ADNP: variants seen among roughly 807,000 people sequenced by gnomAD.
ADNP encodes the protein activity-dependent neuroprotector homeobox protein.
In ADNP, 4 loss-of-function variants were observed where a neutral mutation model predicts 84.9. The ratio of observed to expected loss-of-function variants is 0.05; its 90% confidence interval spans 0.02 to 0.11. The LOEUF (loss-of-function observed/expected upper bound fraction) is 0.11. ADNP is among the 10% of genes least tolerant of loss of function. ADNP has a pLI of 1.00. For missense variants in ADNP, 1,132 were observed against 1,326.0 expected, an observed-to-expected ratio of 0.85 and a Z score of 2.27; for synonymous variants, 554 against 468.1, an observed-to-expected ratio of 1.18 and a Z score of -2.37.
intron 4 of ADNP, 131 bp downstream of exon 4, chr20:50,903,758 T>C (rs1346234261): frequency 1.5e-5 from 10 of 673,182 alleles, no homozygotes; most frequent in Non-Finnish European, 2.5e-5. Flanking sequence ...CTATTGAGAA[T>C]GTTTTCGTGA....
Position 50,892,802 on chromosome 20 carries a change from C to T in ADNP, c.1912G>A (p.Ala638Thr). 6.2e-7 allele frequency: 1 copy of T among 1,614,220 alleles called. No homozygotes were observed. The highest frequency in any genetic ancestry group is 8.5e-7 in the Non-Finnish European group (1 of 1,180,042). Residue 638 changes from alanine (A) to threonine (T), a missense_variant, in exon 6 of 6, where the codon GCA (alanine) becomes ACA (threonine). Around this residue, in one of 10 missense-constraint regions of ADNP, gnomAD observed 39 missense variants for 96.2 expected, o/e 0.41. Coordinates refer to ENST00000621696, the MANE Select transcript of ADNP (RefSeq NM_001282531.3). ...CTCTCTCGTAAGTGATGTGCAAGTG[C>T]ATCAGATATGGGTCCTTTTAGGATT... ...FSILKGPISD[A>T]LAHHLRERHQ...
In ADNP at chr20:50,893,318, C is replaced by T. The variant is rs2122753220; in HGVS notation, c.1396G>A (p.Glu466Lys). 3.1e-6 allele frequency: 5 copies of T among 1,614,136 alleles called. No homozygotes were observed. The highest frequency in any genetic ancestry group is 3.4e-6 in the Non-Finnish European group (4 of 1,180,028). The change falls in exon 6 of 6, where the codon GAA becomes AAA. Residue 466 changes from glutamate (E) to lysine (K), a missense_variant. Glu to Lys is a moderately conservative substitution (Grantham distance 56). Coordinates refer to ENST00000621696, the MANE Select transcript of ADNP (RefSeq NM_001282531.3). This position sits in a 1 kb window ranked among gnomAD's most constrained non-coding sequence, Gnocchi z 4.4. ...ACTTTCTCAGCTTTATGTTCTTTTTCGAAGTGCACACTATAGACATTTTCA... is the reference window on the plus strand; with the variant it reads ...ACTTTCTCAGCTTTATGTTCTTTTTTGAAGTGCACACTATAGACATTTTCA... ...FPENVYSVHF[E>K]KEHKAEKVPA...
rs551804947 is a variant in ADNP at position 50,890,958 on chromosome 20, C to T, written c.*447G>A. ...TAAAAGACTGTACAAATATACATTT[C>T]AACTATTCAGAATGAATACATGAAA... On this transcript the variant is annotated 3_prime_UTR_variant, in exon 6 of 6. Coordinates refer to ENST00000621696, the MANE Select transcript of ADNP (RefSeq NM_001282531.3). The T allele has an allele frequency of 2.9e-4, 290 of 989,954 alleles. No homozygotes were observed. In the African/African-American group the frequency reaches 4.8e-3, roughly 16 times the overall value. 61.3% of individuals were successfully genotyped at this position (989,954 alleles called of 1,614,324 possible). A position where few individuals can be genotyped will look rare whatever the true frequency, so the allele number is the denominator to read the frequency against.
At chr20:50,905,500 A>T (rs1982382828) in intron 2 of ADNP, 1 of 152,166 alleles carries the variant, frequency 6.6e-6, no homozygotes. Flanking sequence ...CGTTAACTAT[A>T]AAAAAATGGA....
chr20:50,914,044 T>C, intron 2 of ADNP: 1 of 753,730 alleles, frequency 1.3e-6, no homozygotes, highest in Non-Finnish European at 2.5e-6. Flanking sequence ...TCAAAATGGC[T>C]CTACTCCCCT....
In ADNP at chr20:50,890,144, A is replaced by T; in HGVS notation, c.*1261T>A. The T allele has an allele frequency of 3.8e-6, 1 of 262,422 alleles. No homozygotes were observed. Among genetic ancestry groups the T allele is most frequent in the Non-Finnish European group, 6.9e-6 (1 of 145,758 alleles). 16.3% of individuals were successfully genotyped at this position (262,422 alleles called of 1,614,324 possible). ...TTGTTTTTCAGTTAAAAAAAAAAAA[A>T]AAAAAAAAAAAAAAAAAGAAAAACA... On this transcript the variant is annotated 3_prime_UTR_variant, in exon 6 of 6. Coordinates refer to ENST00000621696, the MANE Select transcript of ADNP (RefSeq NM_001282531.3).
At chr20:50,901,904 CT>C in intron 5 of ADNP, 112 bp downstream of exon 5, 1 of 837,966 alleles carries the variant, frequency 1.2e-6, no homozygotes, top group Non-Finnish European at 2.0e-6. Flanking sequence ...AATTTTGACA[CT>C]TTCGATGTTT....
chr20:50,907,270 AT>A (rs151249796), intron 2 of ADNP, among the ~76,000 whole-genome samples: 41 of 134,658 alleles, frequency 3.0e-4, no homozygotes, highest in Non-Finnish European at 4.2e-4. Flanking sequence ...CGCGCCCGGC[AT>A]TTTTTTTTTT....
intron 2 of ADNP, among the ~76,000 whole-genome samples, chr20:50,921,354 C>T (rs1393597644): frequency 3.3e-5 from 5 of 152,162 alleles, no homozygotes. Flanking sequence ...TTTGCATATT[C>T]TTAACAAGCT....
intron 2 of ADNP, among the ~76,000 whole-genome samples, chr20:50,907,197 C>T (rs1982566732): frequency 6.6e-6 from 1 of 151,530 alleles, no homozygotes; most frequent in South Asian, 2.1e-4. Context: ...GATCTGACCT[C>T]GTGATCCGCC....
chr20:50,900,151 T>A (rs1416760951), intron 5 of ADNP, among the ~76,000 whole-genome samples: 2 of 152,200 alleles, frequency 1.3e-5, no homozygotes, highest in Admixed American at 1.3e-4. Context: ...GGTGTACCAA[T>A]TTTTCTTTTA....
intron 2 of ADNP, among the ~76,000 whole-genome samples, chr20:50,920,365 G>A (rs1275023977): frequency 6.6e-6 from 1 of 151,078 alleles, no homozygotes; most frequent in South Asian, 2.1e-4. Context: ...CAGATCACTT[G>A]AGGTCAGGAG....
At chr20:50,914,531 T>C in intron 2 of ADNP, 1 of 248,590 alleles carries the variant, frequency 4.0e-6, no homozygotes, top group Admixed American at 5.5e-5. Context: ...ATGTTGACTA[T>C]TGTTCCTGCT....
At chr20:50,904,088 C>G in intron 3 of ADNP, 87 bp from the exon 4 acceptor site, 4 of 1,023,544 alleles carry the variant, frequency 3.9e-6, no homozygotes, top group Non-Finnish European at 4.4e-6. Context: ...ATCATAAAAC[C>G]TACCCATCTG....
At chr20:50,920,144 G>C (rs1263985284) in intron 2 of ADNP, among the ~76,000 whole-genome samples, 1 of 125,316 alleles carries the variant, frequency 8.0e-6, no homozygotes, top group Non-Finnish European at 1.7e-5. Flanking sequence ...GGGCGTGGTG[G>C]TGTGCGCCTG....
chr20:50,894,045 G>A lies in ADNP; in HGVS notation c.669C>T (p.Cys223=), dbSNP rs1464452152. The change falls in exon 6 of 6, where the codon TGC becomes TGT. Residue 223 remains cysteine, a synonymous_variant. Coordinates refer to ENST00000621696, the MANE Select transcript of ADNP (RefSeq NM_001282531.3). ...SNAREESSIH[C]KRCLFMPKSY... is the part of the protein sequence containing the mutation. ...ACTTTGGCATGAAAAGGCATCGCTT[G>A]CAGTGAATACTACTCTCTTCTCGGG... The A allele has an allele frequency of 6.2e-7, 1 of 1,614,082 alleles. No homozygotes were observed. The highest frequency in any genetic ancestry group is 2.2e-5 in the East Asian group (1 of 44,900).
intron 1 of ADNP, among the ~76,000 whole-genome samples, 153 bp downstream of exon 1, chr20:50,930,673 G>A (rs1984659663): frequency 6.6e-6 from 1 of 152,020 alleles, no homozygotes; most frequent in South Asian, 2.1e-4. Context: ...GCGCCGGGGT[G>A]TGCAAAGGAG....
In ADNP at chr20:50,894,084, G is replaced by T. The variant is rs6126120; in HGVS notation, c.630C>A (p.Pro210=). The change falls in exon 6 of 6, where the codon CCC becomes CCA. Residue 210 remains proline, a synonymous_variant. Coordinates refer to ENST00000621696, the MANE Select transcript of ADNP (RefSeq NM_001282531.3). The part of the protein sequence containing the change: ...AGEKSLNGAV[P]LGSNAREESS... ...TCTCTTCTCGGGCATTCGAGCCTAA[G>T]GGGACTGCCCCATTGAGTGATTTTT... The T allele has an allele frequency of 6.2e-7, 1 of 1,614,174 alleles. No homozygotes were observed.
rs948070843 is a variant in ADNP, at chr20:50,889,615, T to G, written c.*1790A>C. The G allele has an allele frequency of 1.1e-4, 38 of 355,450 alleles. No homozygotes were observed. The highest frequency in any genetic ancestry group is 3.3e-4 in the Admixed American group (7 of 21,452). 22.0% of individuals were successfully genotyped at this position (355,450 alleles called of 1,614,324 possible). A position where few individuals can be genotyped will look rare whatever the true frequency, so the allele number is the denominator to read the frequency against. ...AAGAGTCTTTCTTTTGGAAACAGACTCAGAAGTTATGGACATCAGCCACTT... is the reference window on the plus strand; with the variant it reads ...AAGAGTCTTTCTTTTGGAAACAGACGCAGAAGTTATGGACATCAGCCACTT... On this transcript the variant is annotated 3_prime_UTR_variant, in exon 6 of 6. Transcript: ENST00000621696.
Sources: allele counts gnomAD v4.1 joint callset (sites outside exome capture counted in the v4.1 genomes callset), GRCh38; gene constraint gnomAD v4.1.1; regional missense constraint gnomAD v4.1.1; non-coding constraint Gnocchi (gnomAD v3.1); transcripts MANE v1.5; gene names NCBI Gene and HGNC (gene_info 2026-07-23, HGNC 2026-07-21).